CACNG3: variants seen among roughly 807,000 people sequenced by gnomAD.
The protein encoded by CACNG3 is voltage-dependent calcium channel gamma-3 subunit.
CACNG3 carries 3 observed loss-of-function variants against 28.5 expected under a neutral mutation model. The ratio of observed to expected loss-of-function variants is 0.11; its 90% CI spans 0.05 to 0.27. The LOEUF is 0.27. Among genes scored for constraint, CACNG3 ranks in the 10% least tolerant of loss-of-function variants. The pLI, the probability that CACNG3 is intolerant of heterozygous loss-of-function variation, is 1.00. For missense variants in CACNG3, 236 were observed against 414.4 expected (o/e 0.57, Z 3.74); for synonymous variants, 174 against 162.2 (o/e 1.07, Z -0.55).
chr16:24,340,803 C>G (rs1899776141), intron 1 of CACNG3, among the ~76,000 whole-genome samples: 1 of 152,276 alleles, frequency 6.6e-6, no homozygotes, highest in African/African-American at 2.4e-5. Context: ...TTCTCAGGGC[C>G]CGGCTCTCAC....
chr16:24,298,385 A>G (rs1376451928), intron 1 of CACNG3, among the ~76,000 whole-genome samples: 1 of 152,198 alleles, frequency 6.6e-6, no homozygotes, highest in East Asian at 1.9e-4. Context: ...TTTGCTCCCA[A>G]TTGAAAACCA....
chr16:24,358,229 A>T (rs758370412), intron 3 of CACNG3, among the ~76,000 whole-genome samples: 1 of 152,276 alleles, frequency 6.6e-6, no homozygotes, highest in Non-Finnish European at 1.5e-5. Context: ...TACGTGTCAG[A>T]TACTATGCAG....
chr16:24,309,060 C>A (rs1012621620), intron 1 of CACNG3, among the ~76,000 whole-genome samples: 6 of 152,108 alleles, frequency 3.9e-5, no homozygotes, highest in Non-Finnish European at 7.4e-5. Flanking sequence ...GTCAAGCAAT[C>A]TGCCTAAGGT....
chr16:24,317,618 GAAAGAAAGACAGACAGAAAGAAA>G (rs1899381609), intron 1 of CACNG3, among the ~76,000 whole-genome samples: 7 of 66,974 alleles, frequency 1.0e-4, no homozygotes, highest in Admixed American at 1.7e-4. Flanking sequence ...AAGAAAGAAA[GAAAGAAAGACAGACAGAAAGAAA>G]GAAAAGAAAA....
At chr16:24,335,114 C>T (rs1291611096) in intron 1 of CACNG3, among the ~76,000 whole-genome samples, 1 of 152,128 alleles carries the variant, frequency 6.6e-6, no homozygotes, top group Non-Finnish European at 1.5e-5. Context: ...GACTCAGCTT[C>T]CCCTTCTATA....
Position 24,311,725 on chromosome 16 carries a change from G to A in CACNG3, c.212-35009G>A, listed in dbSNP as rs1033468323. Among the ~76,000 whole-genome samples the A allele has an allele frequency of 3.3e-5, 5 of 149,782 alleles. 1 individual carries two copies. The highest frequency in any genetic ancestry group is 1.3e-4 in the Admixed American group (2 of 15,078). On this transcript the variant is annotated intron_variant, in intron 1 of 3. Coordinates refer to ENST00000005284, the MANE Select transcript of CACNG3 (RefSeq NM_006539.4). ...ACAAAAATTAGCTGGGCATGGTGGC[G>A]GATGCCTGTAATCCCAGCTATTTGG...
intron 1 of CACNG3, among the ~76,000 whole-genome samples, chr16:24,302,206 G>GAAAACATCTGTA (rs1899122562): frequency 6.6e-6 from 1 of 152,176 alleles, no homozygotes; most frequent in Non-Finnish European, 1.5e-5. Context: ...AATGTAGCCT[G>GAAAACATCTGTA]AGTAACGTTT....
chr16:24,318,751 G>C (rs1471925385), intron 1 of CACNG3, among the ~76,000 whole-genome samples: 7 of 152,154 alleles, frequency 4.6e-5, no homozygotes, highest in Non-Finnish European at 7.4e-5. Context: ...ACCAGAGGAA[G>C]GGCAGCTGTT....
intron 1 of CACNG3, among the ~76,000 whole-genome samples, chr16:24,326,266 G>C (rs970875721): frequency 6.6e-6 from 1 of 151,262 alleles, no homozygotes; most frequent in Non-Finnish European, 1.5e-5. Context: ...CCGCCTCCTA[G>C]GTTCAAGCAA....
intron 1 of CACNG3, among the ~76,000 whole-genome samples, chr16:24,266,533 G>A (rs1424513975): frequency 2.6e-5 from 4 of 152,060 alleles, no homozygotes; most frequent in Admixed American, 2.6e-4. Context: ...AAAAACACAA[G>A]GAAGAAAAAG....
rs111459519 is a variant in CACNG3 at position 24,297,522 on chromosome 16, G to A, written c.211+40557G>A. On this transcript the variant is annotated intron_variant, in intron 1 of 3. Transcript: ENST00000005284. ...AGCTGAACAGAGGATGCATCTACCC[G>A]CCCACCCACTCACTCACTCACTCAC... Among the ~76,000 whole-genome samples, 20 of 152,032 alleles carry A rather than the reference G, an allele frequency of 1.3e-4. No homozygotes were observed. In the East Asian group the frequency reaches 2.3e-3, roughly 18 times the overall value.
intron 1 of CACNG3, among the ~76,000 whole-genome samples, chr16:24,266,763 C>T: frequency 6.6e-6 from 1 of 152,108 alleles, no homozygotes; most frequent in East Asian, 1.9e-4. Context: ...AAGGCAGGAA[C>T]CCCACCTGTG....
intron 2 of CACNG3, 101 bp downstream of exon 2, chr16:24,346,918 GAAATAGAT>G (rs1234182393): frequency 3.4e-6 from 3 of 887,484 alleles, no homozygotes; most frequent in Non-Finnish European, 5.5e-6. Context: ...TCTGTCCCTA[GAAATAGAT>G]AAGTGCAAAG....
At chr16:24,329,597 GT>G (rs1001778622) in intron 1 of CACNG3, among the ~76,000 whole-genome samples, 6 of 152,064 alleles carry the variant, frequency 3.9e-5, no homozygotes, top group South Asian at 4.2e-4. Flanking sequence ...GTCACTCTTT[GT>G]TTTTTTTCTT....
At chr16:24,348,921 T>C (rs1045866974) in intron 2 of CACNG3, among the ~76,000 whole-genome samples, 1 of 152,264 alleles carries the variant, frequency 6.6e-6, no homozygotes, top group Non-Finnish European at 1.5e-5. Context: ...ATAGCTTTTC[T>C]GACAAAGTAT....
chr16:24,264,082 T>G (rs1346562451), intron 1 of CACNG3, among the ~76,000 whole-genome samples: 3 of 152,378 alleles, frequency 2.0e-5, no homozygotes, highest in Non-Finnish European at 4.4e-5. Context: ...AAGTTCTGTG[T>G]GTGGATTGGA....
intron 1 of CACNG3, among the ~76,000 whole-genome samples, chr16:24,268,870 C>T (rs745790865): frequency 2.0e-5 from 3 of 152,182 alleles, no homozygotes; most frequent in Admixed American, 6.5e-5. Flanking sequence ...GTTTTAAACT[C>T]TGCGTCAGGC....
At chr16:24,340,123 T>C (rs1390454312) in intron 1 of CACNG3, among the ~76,000 whole-genome samples, 6 of 152,020 alleles carry the variant, frequency 3.9e-5, no homozygotes, top group Non-Finnish European at 8.8e-5. Context: ...ATATAAAAAT[T>C]GGCTGGTTGT....
At chr16:24,355,006 C>T (rs770951146) in intron 3 of CACNG3, 33 bp downstream of exon 3, 20 of 1,599,464 alleles carry the variant, frequency 1.3e-5, no homozygotes, top group South Asian at 1.2e-4. Flanking sequence ...GAGATCTTCA[C>T]AGATACCAAA....
Sources: gnomAD v4.1 joint callset for allele counts (sites outside exome capture counted in the v4.1 genomes callset) on GRCh38, gnomAD v4.1.1 for gene constraint, MANE v1.5 for transcripts, NCBI Gene and HGNC (gene_info 2026-07-23, HGNC 2026-07-21) for gene names.